MRPS27: variants seen among roughly 807,000 people sequenced by gnomAD.
The protein encoded by MRPS27 is mitochondrial ribosomal protein S27, also known as small ribosomal subunit protein mS27.
In MRPS27, 43 loss-of-function variants were observed where a neutral mutation model predicts 48.9. The observed-to-expected ratio is 0.88, with a 90% CI of 0.69 to 1.13. MRPS27 has a LOEUF of 1.13. Ranked by LOEUF, MRPS27 falls within the 50% of genes most tolerant of loss-of-function variation. The pLI, the probability that MRPS27 is intolerant of heterozygous loss-of-function variation, is 0.00. For missense variants in MRPS27, 467 were observed against 476.3 expected (o/e 0.98, Z 0.18); for synonymous variants, 188 against 171.9 (o/e 1.09, Z -0.73).
At chr5:72,283,501 TC>T (rs2112037686) in intron 4 of MRPS27, among the ~76,000 whole-genome samples, 1 of 152,310 alleles carries the variant, frequency 6.6e-6, no homozygotes, top group East Asian at 1.9e-4. Flanking sequence ...TCCAAGGGAC[TC>T]ACTTAGTCTA....
chr5:72,283,559 T>A (rs904943194), intron 4 of MRPS27, among the ~76,000 whole-genome samples: 4 of 152,088 alleles, frequency 2.6e-5, no homozygotes, highest in Non-Finnish European at 4.4e-5. Context: ...ACTTCAGAGG[T>A]CATCTGGTCT....
At chr5:72,307,911 G>A (rs376480458) in intron 2 of MRPS27, 1 of 152,228 alleles carries the variant, frequency 6.6e-6, no homozygotes, top group Non-Finnish European at 1.5e-5. Context: ...TAATGTAGGC[G>A]GAAGATCCTA....
chr5:72,261,594 TAGG>T (rs996816767), intron 4 of MRPS27, among the ~76,000 whole-genome samples: 31 of 152,014 alleles, frequency 2.0e-4, no homozygotes, highest in Admixed American at 1.4e-3. Context: ...TAGAATAAAA[TAGG>T]AGTAGAAAAC....
intron 4 of MRPS27, among the ~76,000 whole-genome samples, chr5:72,259,412 G>C (rs1344288314): frequency 6.7e-6 from 1 of 148,650 alleles, no homozygotes; most frequent in African/African-American, 2.5e-5. Flanking sequence ...AGGTTGCAGT[G>C]AGCCAAGATC....
intron 4 of MRPS27, among the ~76,000 whole-genome samples, chr5:72,270,414 T>A (rs924801418): frequency 1.3e-5 from 2 of 151,856 alleles, no homozygotes; most frequent in African/African-American, 4.8e-5. Context: ...CACATAAGAA[T>A]ATGCTTGTGA....
intron 4 of MRPS27, among the ~76,000 whole-genome samples, chr5:72,291,233 G>C (rs1749810758): frequency 6.6e-6 from 1 of 152,098 alleles, no homozygotes; most frequent in African/African-American, 2.4e-5. Flanking sequence ...AAGACCCAGA[G>C]TATTTAAAAC....
chr5:72,259,643 T>C (rs2111997960), intron 4 of MRPS27, among the ~76,000 whole-genome samples: 1 of 152,276 alleles, frequency 6.6e-6, no homozygotes, highest in African/African-American at 2.4e-5. Context: ...ATTCTCACCA[T>C]CCAGAGCTGG....
chr5:72,278,127 C>T (rs1195875943), intron 4 of MRPS27, among the ~76,000 whole-genome samples: 3 of 152,130 alleles, frequency 2.0e-5, no homozygotes, highest in Non-Finnish European at 4.4e-5. Flanking sequence ...CACCCACATA[C>T]TCAACCACCT....
intron 4 of MRPS27, among the ~76,000 whole-genome samples, chr5:72,260,209 C>T (rs1748928589): frequency 6.6e-6 from 1 of 152,128 alleles, no homozygotes. Flanking sequence ...TGCTTTTTGA[C>T]ATTTATGCCA....
chr5:72,297,031 C>T (rs927563214), intron 3 of MRPS27, among the ~76,000 whole-genome samples: 6 of 152,102 alleles, frequency 3.9e-5, no homozygotes, highest in African/African-American at 1.2e-4. Context: ...AGTTTTTCCA[C>T]GCTTACAAGC....
chr5:72,253,869 A>G (rs1748727155), intron 4 of MRPS27, among the ~76,000 whole-genome samples: 3 of 152,226 alleles, frequency 2.0e-5, no homozygotes, highest in African/African-American at 2.4e-5. Flanking sequence ...AGATACTTAA[A>G]TCAAGCTTGG....
intron 3 of MRPS27, among the ~76,000 whole-genome samples, chr5:72,296,611 C>T (rs1403858929): frequency 2.6e-5 from 4 of 152,122 alleles, no homozygotes; most frequent in Non-Finnish European, 5.9e-5. Flanking sequence ...AGAAGTTTTA[C>T]CCATCATGTA....
At chr5:72,252,778 A>G (rs770190867) in intron 4 of MRPS27, among the ~76,000 whole-genome samples, 12 of 152,128 alleles carry the variant, frequency 7.9e-5, no homozygotes, top group Non-Finnish European at 1.6e-4. Context: ...ACATGTTCTC[A>G]TCTTTCACCT....
intron 4 of MRPS27, among the ~76,000 whole-genome samples, chr5:72,282,932 C>T (rs16877172): frequency 0.11 from 16,456 of 152,118 alleles, 2,083 homozygotes; most frequent in African/African-American, 0.31. Context: ...ATAGTTAAGG[C>T]GGCTGGAACT....
chr5:72,244,891 CTT>C (rs1477990574), intron 4 of MRPS27, among the ~76,000 whole-genome samples: 1 of 150,120 alleles, frequency 6.7e-6, no homozygotes, highest in African/African-American at 2.4e-5. Flanking sequence ...CTCTCTCTCT[CTT>C]ACTTTCATGG....
chr5:72,248,669 TAAAAAAAAAAA>T (rs36063387), intron 4 of MRPS27, among the ~76,000 whole-genome samples: 2 of 70,294 alleles, frequency 2.8e-5, no homozygotes, highest in East Asian at 4.8e-4. Flanking sequence ...CATTTTCATT[TAAAAAAAAAAA>T]AAAAAAAAAA....
intron 1 of MRPS27, among the ~76,000 whole-genome samples, chr5:72,315,263 C>A (rs192579394): frequency 2.6e-5 from 4 of 152,046 alleles, no homozygotes; most frequent in African/African-American, 9.6e-5. Flanking sequence ...AAAAAGACAA[C>A]CCAAATGAAT....
chr5:72,279,910 T>C (rs1490387576), intron 4 of MRPS27, among the ~76,000 whole-genome samples: 2 of 152,222 alleles, frequency 1.3e-5, no homozygotes, highest in Admixed American at 6.5e-5. Context: ...TATGTTCATA[T>C]ATTTTGAAGT....
At position 72,238,024 on chromosome 5, in the gene MRPS27, A is replaced by G; in HGVS notation, c.386T>C (p.Leu129Pro). 6.2e-7 allele frequency: 1 copy of G among 1,609,854 alleles called. No individual in the cohort carries two copies. The highest frequency in any genetic ancestry group is 1.1e-5 in the South Asian group (1 of 90,962). Residue 129 changes from leucine to proline, a missense_variant, in exon 5 of 11, where the codon CTT (leucine) becomes CCT (proline). Leu to Pro is a moderately conservative substitution (Grantham distance 98). Transcript: ENST00000261413. ...YDAQDKALYT[L>P]VNKVQYGIFP... ...CACGGAACAACTCACCTTATTTACA[A>G]GGGTATATAGGGCTTTGTCTTGTGC...
Sources: allele counts gnomAD v4.1 joint callset (sites outside exome capture counted in the v4.1 genomes callset), GRCh38; gene constraint gnomAD v4.1.1; transcripts MANE v1.5; gene names NCBI Gene and HGNC (gene_info 2026-07-23, HGNC 2026-07-21).